Variants in MOGAT3 observed in about 807,000 individuals in gnomAD.
MOGAT3 encodes 2-acylglycerol O-acyltransferase 3.
In MOGAT3, 39 loss-of-function variants were observed where a neutral mutation model predicts 34.4. The ratio of observed to expected loss-of-function variants is 1.13; its 90% confidence interval spans 0.88 to 1.48. The LOEUF (loss-of-function observed/expected upper bound fraction) is 1.48, where lower values mean the gene tolerates loss of function less well. MOGAT3 is among the 40% of genes most tolerant of loss of function. MOGAT3 has a pLI of 0.00. For synonymous variants in MOGAT3, 209 were observed against 179.2 expected, an observed-to-expected ratio of 1.17 and a Z score of -1.33; for missense variants, 439 against 438.9, an observed-to-expected ratio of 1.00 and a Z score of 0.00.
chr7:101,194,339 C>G (rs1165217104), downstream of MOGAT3, among the ~76,000 whole-genome samples: 1 of 151,934 alleles, frequency 6.6e-6, no homozygotes, highest in African/African-American at 2.4e-5. Flanking sequence ...AGGAGAGCAC[C>G]ACCACGCCCA....
intron 3 of MOGAT3, among the ~76,000 whole-genome samples, chr7:101,199,503 A>G (rs999731054): frequency 1.7e-4 from 26 of 150,904 alleles, no homozygotes; most frequent in Admixed American, 5.3e-4. Flanking sequence ...TTTAGTAGAG[A>G]TGGGGTTTCT....
Position 101,195,883 on chromosome 7 carries a change from C to T in MOGAT3, c.*63G>A, listed in dbSNP as rs375507033. 63 of 1,567,378 alleles carry T rather than the reference C, an allele frequency of 4.0e-5. No homozygotes were observed. In the African/African-American group the frequency reaches 4.7e-4, roughly 12 times the overall value. The stretch of plus-strand genomic sequence containing the variant: ...CTACCTTTTATTGGAGGCATGGAGT[C>T]CACAGTGGGTGGAGGTCTCAGTGCC... On this transcript the variant is annotated 3_prime_UTR_variant, in exon 7 of 7. Transcript: ENST00000223114.
In MOGAT3 at chr7:101,198,277, C is replaced by A. The variant is rs1797852850; in HGVS notation, c.582G>T (p.Ala194=). The A allele has an allele frequency of 1.2e-6, 2 of 1,610,100 alleles. No individual in the cohort carries two copies. Among genetic ancestry groups the A allele is most frequent in the Non-Finnish European group, 1.7e-6 (2 of 1,177,864 alleles). ...CGGGGACTGAATACAGGGCCTCGTG[C>A]GCACCCCCCACCATGATGACCACGG... ...GQAVVIMVGG[A]HEALYSVPGE... Residue 194 remains alanine, a synonymous_variant, in exon 5 of 7, where the codon GCG becomes GCT. Transcript: ENST00000223114.
chr7:101,200,196 G>C, intron 3 of MOGAT3, 38 bp downstream of exon 3: 1 of 1,559,932 alleles, frequency 6.4e-7, no homozygotes, highest in East Asian at 2.2e-5. Flanking sequence ...GAGATGGGGA[G>C]AGGTAGGAAG....
chr7:101,199,961 C>T (rs1191291152), intron 3 of MOGAT3, among the ~76,000 whole-genome samples: 2 of 151,880 alleles, frequency 1.3e-5, no homozygotes, highest in Non-Finnish European at 2.9e-5. Flanking sequence ...GGCATGGTGG[C>T]GGGCACCTAT....
At chr7:101,197,090 G>A (rs917583308) in intron 5 of MOGAT3, among the ~76,000 whole-genome samples, 8 of 151,108 alleles carry the variant, frequency 5.3e-5, no homozygotes, top group Non-Finnish European at 1.2e-4. Context: ...AGGTTGCAGC[G>A]AGCCGAGATC....
intron 6 of MOGAT3, 39 bp downstream of exon 6, chr7:101,196,148 C>T (rs1797776297): frequency 6.3e-7 from 1 of 1,576,512 alleles, no homozygotes; most frequent in African/African-American, 1.3e-5. Flanking sequence ...GATGCCCACG[C>T]AGCTGCTGGT....
Position 101,200,752 on chromosome 7 carries a change from AG to A in MOGAT3, c.102del (p.Phe35SerfsTer46). On this transcript the variant is annotated frameshift_variant, in exon 1 of 7. Transcript: ENST00000223114. LOFTEE classifies it high-confidence loss of function. ...VGAYQYVLTFLFMGPFFSLLV... is the reference protein window; with the variant it reads ...VGAYQYVLTFXFMGPFFSLLV... ...ACGCCTCCCCAGCTCTCACCCATGA[AG>A]AGGAAAGTGAGCACATATTGGTAGG... is the stretch of plus-strand genomic sequence containing the variant. The A allele has an allele frequency of 6.2e-7, 1 of 1,613,596 alleles. No individual in the cohort carries two copies. Among genetic ancestry groups the A allele is most frequent in the Non-Finnish European group, 8.5e-7 (1 of 1,179,634 alleles).
At chr7:101,197,165 A>G (rs1797813437) in intron 5 of MOGAT3, among the ~76,000 whole-genome samples, 1 of 151,990 alleles carries the variant, frequency 6.6e-6, no homozygotes, top group South Asian at 2.1e-4. Flanking sequence ...AAAATTAGAA[A>G]ATTTTAAAAA....
chr7:101,198,959 G>C, intron 3 of MOGAT3, 129 bp from the exon 4 acceptor site: 1 of 672,746 alleles, frequency 1.5e-6, no homozygotes, highest in Non-Finnish European at 2.5e-6. Context: ...CCCCAGCAGA[G>C]TTCCGAGTTA....
At chr7:101,199,655 C>T (rs1259924140) in intron 3 of MOGAT3, among the ~76,000 whole-genome samples, 2 of 145,614 alleles carry the variant, frequency 1.4e-5, no homozygotes, top group Non-Finnish European at 3.0e-5. Flanking sequence ...CACTCTGTTG[C>T]TCAGGCTGGA....
chr7:101,194,748 G>A (rs995427003), downstream of MOGAT3, among the ~76,000 whole-genome samples: 3 of 151,974 alleles, frequency 2.0e-5, no homozygotes, highest in Non-Finnish European at 2.9e-5. Context: ...TGATCCGCCC[G>A]CCTCAGCCTC....
At chr7:101,197,260 G>T (rs1003612769) in intron 5 of MOGAT3, among the ~76,000 whole-genome samples, 1 of 152,140 alleles carries the variant, frequency 6.6e-6, no homozygotes, top group South Asian at 2.1e-4. Context: ...ATAGCTCACT[G>T]CAGCCTCAAC....
Position 101,198,259 on chromosome 7 carries a change from T to C in MOGAT3, c.600A>G (p.Ser200=), listed in dbSNP as rs202068296. 2 of 1,613,250 alleles carry C rather than the reference T, an allele frequency of 1.2e-6. No homozygotes were observed. Among genetic ancestry groups the C allele is most frequent in the East Asian group, 2.2e-5 (1 of 44,834 alleles). The stretch of plus-strand genomic sequence containing the variant: ...GCGTAAGGCAGTGCTCCCCGGGGAC[T>C]GAATACAGGGCCTCGTGCGCACCCC... ...MVGGAHEALY[S]VPGEHCLTLQ... Residue 200 remains serine, a synonymous_variant, in exon 5 of 7, where the codon TCA becomes TCG. Transcript: ENST00000223114.
downstream of MOGAT3, among the ~76,000 whole-genome samples, chr7:101,194,246 G>A (rs1797732428): frequency 6.6e-6 from 1 of 151,606 alleles, no homozygotes; most frequent in Non-Finnish European, 1.5e-5. Flanking sequence ...GGAGTGCAAT[G>A]GTGCGATCTT....
rs1196343596 is a variant in MOGAT3, at chr7:101,195,117, G to T, written c.*829C>A. 1.3e-5 allele frequency: 2 copies of T among 152,280 alleles called. No homozygotes were observed. The highest frequency in any genetic ancestry group is 2.9e-5 in the Non-Finnish European group (2 of 68,110). 9.4% of individuals were successfully genotyped at this position (152,280 alleles called of 1,614,324 possible). A position where few individuals can be genotyped will look rare whatever the true frequency, so the allele number is the denominator to read the frequency against. The stretch of plus-strand genomic sequence containing the variant: ...ACTCTCACTGGGAGGACAGTTCAGG[G>T]TCCTGATACCCAATCTAAGGCAGCA... On this transcript the variant is annotated 3_prime_UTR_variant, in exon 7 of 7. Transcript: ENST00000223114.
Position 101,198,646 on chromosome 7 carries a change from C to A in MOGAT3, c.473G>T (p.Arg158Leu). 6.2e-7 allele frequency: 1 copy of A among 1,613,386 alleles called. No individual in the cohort carries two copies. The highest frequency in any genetic ancestry group is 8.5e-7 in the Non-Finnish European group (1 of 1,180,008). ...LAGLFYLPVY[R>L]DYIMSFGLCP... The stretch of plus-strand genomic sequence containing the variant: ...CTCACCAAAGGACATGATGTAGTCG[C>A]GATAGACCGGGAGGTAGAAGAGGCC... Residue 158 changes from arginine to leucine, a missense_variant, in exon 4 of 7, where the codon CGC (arginine) becomes CTC (leucine). Arg to Leu is a moderately radical substitution (Grantham distance 102). Transcript: ENST00000223114.
At chr7:101,199,353 C>A (rs1797890351) in intron 3 of MOGAT3, among the ~76,000 whole-genome samples, 1 of 151,632 alleles carries the variant, frequency 6.6e-6, no homozygotes, top group Admixed American at 6.6e-5. Context: ...GCTCCTGTTG[C>A]CTAGGCTGGA....
Position 101,198,791 on chromosome 7 carries a change from C to T in MOGAT3, c.328G>A (p.Val110Met). 1.9e-6 allele frequency: 3 copies of T among 1,613,920 alleles called. No homozygotes were observed. The highest frequency in any genetic ancestry group is 2.5e-6 in the Non-Finnish European group (3 of 1,179,980). The change falls in exon 4 of 7, where the codon GTG becomes ATG. Residue 110 changes from valine (V) to methionine (M), a missense_variant. Physicochemically the swap from Val to Met is conservative, Grantham distance 21. Coordinates refer to ENST00000223114, the MANE Select transcript of MOGAT3 (RefSeq NM_178176.4). ...TAELPPDRNY[V>M]LGAHPHGIMC... ...ATCCCATGAGGGTGGGCGCCCAGCA[C>T]GTAGTTCCGATCCGGGGGCAGCTCT...
Sources: allele counts gnomAD v4.1 joint callset (sites outside exome capture counted in the v4.1 genomes callset), GRCh38; gene constraint gnomAD v4.1.1; transcripts MANE v1.5; gene names NCBI Gene and HGNC (gene_info 2026-07-23, HGNC 2026-07-21).